Variants in GNB4 observed in about 807,000 individuals in gnomAD.
The protein encoded by GNB4 is guanine nucleotide-binding protein subunit beta-4.
A neutral mutation model predicts 45.2 loss-of-function variants in GNB4; 28 were observed. That is an observed-to-expected ratio of 0.62 (90% CI 0.46 to 0.85). The LOEUF (loss-of-function observed/expected upper bound fraction) is 0.85, where lower values mean the gene tolerates loss of function less well. Ranked by LOEUF, GNB4 falls within the 40% of genes least tolerant of loss-of-function variation. GNB4 has a pLI of 0.00. For missense variants in GNB4, 321 were observed against 425.4 expected (o/e 0.75, Z 2.16); for synonymous variants, 132 against 143.7 (o/e 0.92, Z 0.58).
chr3:179,417,590 G>C (rs149343405), intron 4 of GNB4, among the ~76,000 whole-genome samples: 39 of 152,196 alleles, frequency 2.6e-4, no homozygotes, highest in Non-Finnish European at 4.1e-4. Flanking sequence ...ATCTCAACAT[G>C]TTGGTCAGGC....
the GNB4 span, among the ~76,000 whole-genome samples, chr3:179,525,436 C>G: frequency 6.6e-6 from 1 of 151,914 alleles, no homozygotes; most frequent in African/African-American, 2.4e-5. Context: ...AGGAGGCAAG[C>G]CCAGAGAAAA....
At chr3:179,407,775 A>ATG (rs1330645460) in intron 8 of GNB4, among the ~76,000 whole-genome samples, 1 of 74,102 alleles carries the variant, frequency 1.3e-5, no homozygotes, top group Non-Finnish European at 2.6e-5. Context: ...CAAGCTGCAA[A>ATG]AGACACCCAA....
chr3:179,466,700 A>G, the GNB4 span, among the ~76,000 whole-genome samples: 1 of 152,228 alleles, frequency 6.6e-6, no homozygotes, highest in Non-Finnish European at 1.5e-5. Flanking sequence ...AAAATGACTG[A>G]CTTCCTGCAT....
rs73045196 is a variant in GNB4 at position 179,437,117 on chromosome 3, C to T, written c.-42-10875G>A. Among the ~76,000 whole-genome samples, 291 of 152,196 alleles carry T rather than the reference C, an allele frequency of 1.9e-3. 1 individual carries two copies. Among genetic ancestry groups the T allele is most frequent in the Middle Eastern group, 6.8e-3 (2 of 294 alleles). On this transcript the variant is annotated intron_variant, in intron 1 of 9. Coordinates refer to ENST00000232564, the MANE Select transcript of GNB4 (RefSeq NM_021629.4). ...ACACACACAGGCCCATAATCCATTA[C>T]CCTAAACCCTAGGGCCAGATATATT...
At chr3:179,521,988 TTC>T in the GNB4 span, among the ~76,000 whole-genome samples, 2 of 152,130 alleles carry the variant, frequency 1.3e-5, no homozygotes, top group East Asian at 1.9e-4. Context: ...ACATCGCCCA[TTC>T]TCTCTCCATA....
the GNB4 span, among the ~76,000 whole-genome samples, chr3:179,498,529 T>C: frequency 6.6e-6 from 1 of 152,064 alleles, no homozygotes; most frequent in African/African-American, 2.4e-5. Flanking sequence ...CTCCACCTTC[T>C]GGGTTCAAGC....
In GNB4 at chr3:179,415,051, T is replaced by C. The variant is rs566002899; in HGVS notation, c.268-4A>G. On this transcript the variant is annotated splice_region_variant and splice_polypyrimidine_tract_variant and intron_variant, in intron 5 of 9. Transcript: ENST00000232564. ...ACCTCAAAGGAATAGCATGCATCTGTAGGGCACACACCACACATCACTCAG... is the reference window on the plus strand; with the variant it reads ...ACCTCAAAGGAATAGCATGCATCTGCAGGGCACACACCACACATCACTCAG... 111 of 1,578,208 alleles carry C rather than the reference T, an allele frequency of 7.0e-5. No homozygotes were observed. In the South Asian group the frequency reaches 1.3e-3, roughly 18 times the overall value.
At chr3:179,472,959 C>T in the GNB4 span, among the ~76,000 whole-genome samples, 6 of 152,236 alleles carry the variant, frequency 3.9e-5, no homozygotes, top group South Asian at 2.1e-4. Flanking sequence ...GTTAGGAGAT[C>T]GAGACCATCC....
In GNB4 at chr3:179,435,655, T is replaced by A. The variant is rs201325747; in HGVS notation, c.-42-9413A>T. On this transcript the variant is annotated intron_variant, in intron 1 of 9. Transcript: ENST00000232564. ...AATTGTTTCATAAACACAGTGCTCT[T>A]ATTTTGTTACCGTAACTTCTTGACT... Among the ~76,000 whole-genome samples, 8 of 152,322 alleles carry A rather than the reference T, an allele frequency of 5.3e-5. No individual in the cohort carries two copies. In the East Asian group the frequency reaches 1.5e-3, roughly 29 times the overall value.
At chr3:179,453,135 T>C (rs1409189835), upstream of GNB4, among the ~76,000 whole-genome samples, 12 of 151,988 alleles carry the variant, frequency 7.9e-5, no homozygotes, top group Non-Finnish European at 1.6e-4. Context: ...ACATTCTTTC[T>C]TTTTTTTGTT....
At chr3:179,425,727 TC>T (rs1419278396) in intron 2 of GNB4, among the ~76,000 whole-genome samples, 1 of 152,224 alleles carries the variant, frequency 6.6e-6, no homozygotes, top group Non-Finnish European at 1.5e-5. Flanking sequence ...TGCCTCAGCC[TC>T]CCAAAGTGCT....
chr3:179,507,348 C>T, the GNB4 span, among the ~76,000 whole-genome samples: 2 of 151,796 alleles, frequency 1.3e-5, no homozygotes, highest in East Asian at 1.9e-4. Context: ...GAAGTGTTCC[C>T]AGAGGGTTCA....
chr3:179,440,651 C>A (rs2108617265), intron 1 of GNB4, among the ~76,000 whole-genome samples: 1 of 152,074 alleles, frequency 6.6e-6, no homozygotes, highest in South Asian at 2.1e-4. Context: ...TTGGGGTGAA[C>A]ACGGTTAATA....
At chr3:179,517,638 C>A in the GNB4 span, among the ~76,000 whole-genome samples, 1 of 152,172 alleles carries the variant, frequency 6.6e-6, no homozygotes, top group East Asian at 1.9e-4. Flanking sequence ...GGTAAGCGGC[C>A]TCTCTTTACT....
chr3:179,423,835 G>GACTCA (rs1715066316), intron 2 of GNB4, among the ~76,000 whole-genome samples: 1 of 151,944 alleles, frequency 6.6e-6, no homozygotes, highest in African/African-American at 2.4e-5. Context: ...GGAGGATTAG[G>GACTCA]ACTCAACAGA....
At chr3:179,460,631 C>T in the GNB4 span, among the ~76,000 whole-genome samples, 1 of 151,888 alleles carries the variant, frequency 6.6e-6, no homozygotes. Context: ...CAAACTCTTA[C>T]TCTTAACTTT....
rs564890602 is a variant in GNB4 at position 179,397,230 on chromosome 3, G to A, written c.*3983C>T. 1 of 152,270 alleles carries A rather than the reference G, an allele frequency of 6.6e-6. No individual in the cohort carries two copies. Among genetic ancestry groups the A allele is most frequent in the South Asian group, 2.1e-4 (1 of 4,828 alleles). The allele number at this position is 152,270 out of a possible 1,614,324, so 9.4% of individuals were successfully genotyped here. A position where few individuals can be genotyped will look rare whatever the true frequency, so the allele number is the denominator to read the frequency against. Reference sequence around the variant, plus strand: ...TTCAATTGTGTTACAACTTAGATCTGAGACATTTACATCAAAGCATACTTC... The same window carrying A: ...TTCAATTGTGTTACAACTTAGATCTAAGACATTTACATCAAAGCATACTTC... On this transcript the variant is annotated 3_prime_UTR_variant, in exon 10 of 10. Coordinates refer to ENST00000232564, the MANE Select transcript of GNB4 (RefSeq NM_021629.4).
chr3:179,464,322 C>T, the GNB4 span: 1 of 659,466 alleles, frequency 1.5e-6, no homozygotes, highest in Non-Finnish European at 2.8e-6. Flanking sequence ...TAAACAGGTC[C>T]CGGCGCAGTC....
chr3:179,484,084 A>T, the GNB4 span, among the ~76,000 whole-genome samples: 1 of 152,222 alleles, frequency 6.6e-6, no homozygotes, highest in African/African-American at 2.4e-5. Flanking sequence ...GAAAATTTAT[A>T]AAGTACACAT....
Sources: gnomAD v4.1 joint callset for allele counts (sites outside exome capture counted in the v4.1 genomes callset) on GRCh38, gnomAD v4.1.1 for gene constraint, MANE v1.5 for transcripts, NCBI Gene and HGNC (gene_info 2026-07-23, HGNC 2026-07-21) for gene names.